LRP1B: variants seen among roughly 807,000 people sequenced by gnomAD.
The protein encoded by LRP1B is low-density lipoprotein receptor-related protein 1B.
A neutral mutation model predicts 556.6 loss-of-function variants in LRP1B; 217 were observed. That is an observed-to-expected ratio of 0.39 (90% confidence interval 0.35 to 0.44). The LOEUF (loss-of-function observed/expected upper bound fraction) is 0.44, where lower values mean the gene tolerates loss of function less well. Ranked by LOEUF, LRP1B falls within the 20% of genes least tolerant of loss-of-function variation. LRP1B has a pLI of 1.00. For synonymous variants in LRP1B, 2,047 were observed against 1,865.8 expected (o/e 1.10, Z -2.50); for missense variants, 5,053 against 5,620.8 (o/e 0.90, Z 3.23).
chr2:140,453,018 T>C (rs1368780152), intron 62 of LRP1B, among the ~76,000 whole-genome samples: 1 of 149,818 alleles, frequency 6.7e-6, no homozygotes, highest in Non-Finnish European at 1.5e-5. Flanking sequence ...TTATAGATAG[T>C]GACTGTCTGG....
At chr2:141,229,149 AGGGT>A (rs770092102) in intron 6 of LRP1B, 30 bp downstream of exon 6, 1 of 1,604,886 alleles carries the variant, frequency 6.2e-7, no homozygotes. Context: ...AAATCAGTAA[AGGGT>A]GGCATATAAT....
intron 2 of LRP1B, among the ~76,000 whole-genome samples, chr2:141,568,595 C>T (rs1237484981): frequency 6.6e-6 from 1 of 151,170 alleles, no homozygotes; most frequent in Non-Finnish European, 1.5e-5. Context: ...GTTTCATCTA[C>T]AGATCTTTGA....
At chr2:141,892,935 G>T (rs1699334718) in intron 1 of LRP1B, among the ~76,000 whole-genome samples, 2 of 152,080 alleles carry the variant, frequency 1.3e-5, no homozygotes. Flanking sequence ...GTGATAATTT[G>T]AGCTATAGGT....
chr2:140,264,756 C>G (rs1297897536), intron 86 of LRP1B, among the ~76,000 whole-genome samples: 1 of 149,428 alleles, frequency 6.7e-6, no homozygotes, highest in East Asian at 2.0e-4. Flanking sequence ...AATTTTCCCA[C>G]TGAAATTTAA....
At chr2:141,584,322 A>C (rs1687056063) in intron 2 of LRP1B, among the ~76,000 whole-genome samples, 1 of 152,158 alleles carries the variant, frequency 6.6e-6, no homozygotes, top group African/African-American at 2.4e-5. Context: ...TCAAGTGATT[A>C]GACAAAAGAG....
intron 43 of LRP1B, among the ~76,000 whole-genome samples, chr2:140,572,795 C>CATAAAATAAAATGAAATAAAATAAA (rs375820122): frequency 7.7e-4 from 104 of 135,076 alleles, no homozygotes; most frequent in African/African-American, 2.8e-3. Flanking sequence ...ACTATTCAGC[C>CATAAAATAAAATGAAATAAAATAAA]ATAAAATAAA....
In LRP1B at chr2:141,847,557, A is replaced by G. The variant is rs537910498; in HGVS notation, c.83-37156T>C. On this transcript the variant is annotated intron_variant, in intron 1 of 90. Coordinates refer to ENST00000389484, the MANE Select transcript of LRP1B (RefSeq NM_018557.3). ...AGATATTATAACACCAAGTCATTGT[A>G]TAATATTTACAAATATGTGCAACAA... 7.3e-5 allele frequency among the ~76,000 whole-genome samples: 11 copies of G among 151,714 alleles called. No homozygotes were observed. In the East Asian group the frequency reaches 2.1e-3, roughly 29 times the overall value.
rs531720467 is a variant in LRP1B at position 141,027,337 on chromosome 2, C to A, written c.1790-7235G>T. Among the ~76,000 whole-genome samples, 36 of 152,226 alleles carry A rather than the reference C, an allele frequency of 2.4e-4. 1 individual carries two copies. Among genetic ancestry groups the A allele is most frequent in the Middle Eastern group, 6.8e-3 (2 of 294 alleles). On this transcript the variant is annotated intron_variant, in intron 11 of 90. Transcript: ENST00000389484. ...ATGAAAATATGAATAATAATCAGTTCTCTCCATATTAGGATTAAAGGAGAG... is the reference window on the plus strand; with the variant it reads ...ATGAAAATATGAATAATAATCAGTTATCTCCATATTAGGATTAAAGGAGAG...
At chr2:141,852,716 A>G (rs1438076222) in intron 1 of LRP1B, among the ~76,000 whole-genome samples, 4 of 151,708 alleles carry the variant, frequency 2.6e-5, no homozygotes, top group Non-Finnish European at 4.4e-5. Context: ...TGTTTTGTTG[A>G]TCCAGCTAGC....
At chr2:141,367,850 A>T (rs1689100426) in intron 3 of LRP1B, among the ~76,000 whole-genome samples, 1 of 152,112 alleles carries the variant, frequency 6.6e-6, no homozygotes, top group Admixed American at 6.6e-5. Context: ...ATATGAAATG[A>T]TTAGAAAATG....
intron 1 of LRP1B, among the ~76,000 whole-genome samples, chr2:141,979,691 T>C (rs1479665392): frequency 6.6e-6 from 1 of 152,082 alleles, no homozygotes; most frequent in Non-Finnish European, 1.5e-5. Context: ...TTGATTTGTA[T>C]TTCAGTGACA....
At chr2:140,697,257 C>T (rs934601706) in intron 41 of LRP1B, among the ~76,000 whole-genome samples, 11 of 152,062 alleles carry the variant, frequency 7.2e-5, no homozygotes, top group East Asian at 1.9e-4. Context: ...TAATTTACTA[C>T]GGTTGAAACA....
chr2:141,471,284 T>G (rs13426176), intron 3 of LRP1B, among the ~76,000 whole-genome samples: 4 of 142,286 alleles, frequency 2.8e-5, no homozygotes, highest in Admixed American at 1.4e-4. Flanking sequence ...TTTTTTTTTT[T>G]TTTTTTTTTT....
intron 11 of LRP1B, among the ~76,000 whole-genome samples, chr2:141,046,166 T>C (rs1698864179): frequency 6.6e-6 from 1 of 152,142 alleles, no homozygotes; most frequent in Admixed American, 6.6e-5. Flanking sequence ...ATAAAAGATG[T>C]CCAAGATATT....
At chr2:141,546,690 T>C (rs1685565587) in intron 2 of LRP1B, among the ~76,000 whole-genome samples, 2 of 152,180 alleles carry the variant, frequency 1.3e-5, no homozygotes, top group Admixed American at 6.6e-5. Context: ...TGCATTTTAC[T>C]TTTGAAAATG....
intron 87 of LRP1B, among the ~76,000 whole-genome samples, chr2:140,243,633 A>T (rs1288186015): frequency 6.6e-6 from 1 of 151,162 alleles, no homozygotes; most frequent in Non-Finnish European, 1.5e-5. Context: ...TGTAAAGAAA[A>T]TATGTTCCCA....
chr2:140,414,705 A>C (rs1338774155), intron 66 of LRP1B, among the ~76,000 whole-genome samples: 2 of 152,174 alleles, frequency 1.3e-5, no homozygotes, highest in Non-Finnish European at 2.9e-5. Context: ...TAAGGTGAGG[A>C]GGTACGTCAC....
At chr2:141,588,622 A>T (rs1009239079) in intron 2 of LRP1B, among the ~76,000 whole-genome samples, 3 of 152,172 alleles carry the variant, frequency 2.0e-5, no homozygotes, top group Non-Finnish European at 4.4e-5. Flanking sequence ...TTCTTTAAAA[A>T]TTGGCTCTCC....
chr2:141,477,181 T>A (rs538231144), intron 3 of LRP1B, among the ~76,000 whole-genome samples: 2 of 151,036 alleles, frequency 1.3e-5, no homozygotes, highest in South Asian at 4.2e-4. Context: ...AAAAACCACA[T>A]CCATTTTTTA....
Sources: gnomAD v4.1 joint callset for allele counts (sites outside exome capture counted in the v4.1 genomes callset) on GRCh38, gnomAD v4.1.1 for gene constraint, MANE v1.5 for transcripts, NCBI Gene and HGNC (gene_info 2026-07-23, HGNC 2026-07-21) for gene names.